Variants in SNTG2 observed in about 807,000 individuals in gnomAD.
SNTG2 encodes syntrophin gamma 2, also known as gamma-2-syntrophin.
SNTG2 carries 74 observed loss-of-function variants against 70.9 expected under a neutral mutation model. The observed-to-expected ratio is 1.04, with a 90% confidence interval of 0.86 to 1.27. SNTG2 has a LOEUF of 1.27. Ranked by LOEUF, SNTG2 falls within the 50% of genes most tolerant of loss-of-function variation. The pLI, the probability that SNTG2 is intolerant of heterozygous loss-of-function variation, is 0.00. For missense variants in SNTG2, 717 were observed against 690.7 expected (o/e 1.04, Z -0.43); for synonymous variants, 278 against 273.8 (o/e 1.02, Z -0.15).
chr2:1,154,008 A>T (rs1669687345), intron 6 of SNTG2, among the ~76,000 whole-genome samples: 1 of 152,236 alleles, frequency 6.6e-6, no homozygotes, highest in Non-Finnish European at 1.5e-5. Context: ...TCGAATAGAA[A>T]TCTCTTGCAA....
At chr2:1,356,997 TTA>T (rs1660888711) in intron 16 of SNTG2, among the ~76,000 whole-genome samples, 1 of 152,036 alleles carries the variant, frequency 6.6e-6, no homozygotes, top group South Asian at 2.1e-4. Flanking sequence ...AAATGCAACT[TTA>T]TTGTGTGTAT....
chr2:1,247,034 G>A (rs769027869), intron 11 of SNTG2, among the ~76,000 whole-genome samples: 35 of 152,244 alleles, frequency 2.3e-4, no homozygotes, highest in South Asian at 6.2e-4. Context: ...CAATACAGTC[G>A]TTTTAAAAGA....
chr2:1,179,948 G>T (rs76491173), intron 8 of SNTG2, among the ~76,000 whole-genome samples: 1 of 136,562 alleles, frequency 7.3e-6, no homozygotes, highest in Non-Finnish European at 1.6e-5. Context: ...ACAAACCTGA[G>T]AAAAACAAGC....
intron 1 of SNTG2, among the ~76,000 whole-genome samples, chr2:1,080,066 G>A (rs1341931616): frequency 1.3e-5 from 2 of 152,160 alleles, no homozygotes; most frequent in African/African-American, 2.4e-5. Flanking sequence ...GGTCCTCCAT[G>A]AGAGCCCCAC....
intron 8 of SNTG2, among the ~76,000 whole-genome samples, chr2:1,200,169 C>T (rs888639281): frequency 6.6e-6 from 1 of 151,852 alleles, no homozygotes; most frequent in African/African-American, 2.4e-5. Context: ...TAAAAACAGA[C>T]ACAGAGACCA....
chr2:1,170,082 G>T (rs953727997), intron 7 of SNTG2, among the ~76,000 whole-genome samples: 1 of 152,142 alleles, frequency 6.6e-6, no homozygotes, highest in African/African-American at 2.4e-5. Context: ...CCAGTGAGTG[G>T]GGAAAGAGAG....
At chr2:1,175,530 C>T (rs1671417224) in intron 8 of SNTG2, among the ~76,000 whole-genome samples, 2 of 152,186 alleles carry the variant, frequency 1.3e-5, no homozygotes, top group African/African-American at 4.8e-5. Flanking sequence ...CTTTCTGACT[C>T]ACCTTTCCTG....
At chr2:1,053,311 GTTTT>G (rs57329298) in intron 1 of SNTG2, among the ~76,000 whole-genome samples, 4 of 151,912 alleles carry the variant, frequency 2.6e-5, no homozygotes, top group African/African-American at 9.7e-5. Context: ...TGCATTAAAA[GTTTT>G]TTTTATTGAA....
At chr2:1,136,674 A>AT (rs1572533023) in intron 4 of SNTG2, among the ~76,000 whole-genome samples, 1 of 152,190 alleles carries the variant, frequency 6.6e-6, no homozygotes, top group Non-Finnish European at 1.5e-5. Context: ...TTAAACAAAG[A>AT]TTTAAAATTG....
intron 6 of SNTG2, among the ~76,000 whole-genome samples, chr2:1,140,531 G>C (rs1668677178): frequency 6.6e-6 from 1 of 152,240 alleles, no homozygotes; most frequent in Admixed American, 6.5e-5. Context: ...TACCTGGTCT[G>C]TGATGGGACC....
chr2:1,084,857 C>T (rs960634861), intron 2 of SNTG2, among the ~76,000 whole-genome samples: 8 of 152,122 alleles, frequency 5.3e-5, no homozygotes, highest in East Asian at 1.9e-4. Context: ...GAGATCTCTC[C>T]GCCAAGCTTT....
chr2:1,018,302 G>T (rs1659975080), intron 1 of SNTG2, among the ~76,000 whole-genome samples: 1 of 152,204 alleles, frequency 6.6e-6, no homozygotes, highest in African/African-American at 2.4e-5. Flanking sequence ...CAGCCCTGGG[G>T]AGCTGAAGGC....
At chr2:1,022,432 C>G (rs77987350) in intron 1 of SNTG2, among the ~76,000 whole-genome samples, 4 of 151,684 alleles carry the variant, frequency 2.6e-5, no homozygotes, top group African/African-American at 9.7e-5. Flanking sequence ...CCTGCATTGC[C>G]GTGAATCTGA....
Position 1,165,548 on chromosome 2 carries a change from G to A in SNTG2, c.412G>A (p.Val138Met), listed in dbSNP as rs777135474. 3 of 1,611,242 alleles carry A rather than the reference G, an allele frequency of 1.9e-6. No homozygotes were observed. Among genetic ancestry groups the A allele is most frequent in the African/African-American group, 1.3e-5 (1 of 74,806 alleles). ...HVENATHEEV[V>M]HLLRNAGDEV... ...GTAGCTATTTTTGTCATATTGACAG[G>A]TGCATCTGCTGAGAAATGCTGGCGA... The change falls in exon 7 of 17, where the codon GTG becomes ATG. Residue 138 changes from valine (V) to methionine (M), a missense_variant and splice_region_variant. By Grantham distance (21) the Val-to-Met change is conservative. Coordinates refer to ENST00000308624, the MANE Select transcript of SNTG2 (RefSeq NM_018968.4).
At chr2:1,191,323 T>C (rs1055652007) in intron 8 of SNTG2, among the ~76,000 whole-genome samples, 10 of 152,196 alleles carry the variant, frequency 6.6e-5, no homozygotes, top group Non-Finnish European at 1.5e-4. Context: ...ATTGCTCTCA[T>C]GTAGACTTTA....
At chr2:1,241,465 C>CTTT (rs895432866) in intron 11 of SNTG2, among the ~76,000 whole-genome samples, 9 of 148,606 alleles carry the variant, frequency 6.1e-5, no homozygotes, top group Admixed American at 2.0e-4. Flanking sequence ...AAAGCATTTT[C>CTTT]TTTTTTTTTT....
chr2:1,154,003 T>C (rs1239927102), intron 6 of SNTG2, among the ~76,000 whole-genome samples: 1 of 152,176 alleles, frequency 6.6e-6, no homozygotes, highest in African/African-American at 2.4e-5. Flanking sequence ...AAAAGTCGAA[T>C]AGAAATCTCT....
intron 1 of SNTG2, among the ~76,000 whole-genome samples, chr2:1,022,932 C>T (rs533484388): frequency 1.3e-5 from 2 of 152,184 alleles, no homozygotes; most frequent in Non-Finnish European, 2.9e-5. Flanking sequence ...CTTTAAGAAA[C>T]AAGAGAAGAT....
intron 2 of SNTG2, among the ~76,000 whole-genome samples, chr2:1,095,816 T>C (rs2148205037): frequency 6.6e-6 from 1 of 152,308 alleles, no homozygotes; most frequent in East Asian, 1.9e-4. Flanking sequence ...TTTCAGAAAT[T>C]CCATACAGAG....
Sources: gnomAD v4.1 joint callset for allele counts (sites outside exome capture counted in the v4.1 genomes callset) on GRCh38, gnomAD v4.1.1 for gene constraint, MANE v1.5 for transcripts, NCBI Gene and HGNC (gene_info 2026-07-23, HGNC 2026-07-21) for gene names.